Variants in PRIM2 observed in about 807,000 individuals in gnomAD.
PRIM2 encodes DNA primase large subunit.
A neutral mutation model predicts 67.3 loss-of-function variants in PRIM2; 39 were observed. The ratio of observed to expected loss-of-function variants is 0.58; its 90% CI spans 0.45 to 0.76. PRIM2 has a LOEUF of 0.76. PRIM2 is among the 30% of genes least tolerant of loss of function. The probability of loss-of-function intolerance (pLI) is 0.00; values close to 1 mark genes in which losing one functional copy is unlikely to be tolerated. For synonymous variants in PRIM2, 143 were observed against 198.7 expected (o/e 0.72, Z 2.36); for missense variants, 398 against 598.7 (o/e 0.66, Z 3.50).
the PRIM2 span, among the ~76,000 whole-genome samples, chr6:57,280,274 T>G: frequency 6.6e-6 from 1 of 152,232 alleles, no homozygotes; most frequent in Admixed American, 6.5e-5. Context: ...CACTGCCAAT[T>G]TTGGTATATT....
intron 10 of PRIM2, among the ~76,000 whole-genome samples, chr6:57,564,785 G>T (rs1775705503): frequency 6.6e-6 from 1 of 152,158 alleles, no homozygotes; most frequent in Admixed American, 6.5e-5. Context: ...TAGTAAAAAT[G>T]TAGAATTTAT....
intron 5 of PRIM2, among the ~76,000 whole-genome samples, chr6:57,373,630 A>G (rs991566037): frequency 6.6e-6 from 1 of 152,260 alleles, no homozygotes. Flanking sequence ...TGTATATGGT[A>G]TAAGGACAGG....
intron 13 of PRIM2, among the ~76,000 whole-genome samples, chr6:57,633,591 A>G (rs1237744150): frequency 1.3e-5 from 2 of 152,212 alleles, no homozygotes; most frequent in South Asian, 2.1e-4. Context: ...GCCAATATCT[A>G]TGGAACCCTT....
chr6:57,490,349 AG>A, intron 7 of PRIM2, among the ~76,000 whole-genome samples: 1 of 152,166 alleles, frequency 6.6e-6, no homozygotes, highest in Non-Finnish European at 1.5e-5. Context: ...GGACAGTACT[AG>A]GACTTGTGTT....
intron 7 of PRIM2, among the ~76,000 whole-genome samples, chr6:57,411,603 G>A (rs1421790792): frequency 3.2e-4 from 49 of 151,454 alleles, no homozygotes; most frequent in African/African-American, 1.2e-3. Context: ...TGACAATATT[G>A]TTTAAATTTT....
intron 5 of PRIM2, among the ~76,000 whole-genome samples, chr6:57,344,737 C>T (rs953743383): frequency 1.3e-5 from 2 of 152,086 alleles, no homozygotes; most frequent in African/African-American, 2.4e-5. Flanking sequence ...TAGTTGAGGC[C>T]TAACCATTTA....
intron 7 of PRIM2, among the ~76,000 whole-genome samples, chr6:57,469,206 T>A (rs1266445753): frequency 6.6e-6 from 1 of 152,202 alleles, no homozygotes; most frequent in African/African-American, 2.4e-5. Flanking sequence ...TGAGCCTGAG[T>A]TTCCCTCTGG....
At chr6:57,617,040 G>A (rs1359929517) in intron 12 of PRIM2, among the ~76,000 whole-genome samples, 1 of 152,152 alleles carries the variant, frequency 6.6e-6, no homozygotes, top group African/African-American at 2.4e-5. Flanking sequence ...CCACCAACTG[G>A]GTGACTTTAA....
At chr6:57,225,172 T>G in the PRIM2 span, among the ~76,000 whole-genome samples, 1 of 152,250 alleles carries the variant, frequency 6.6e-6, no homozygotes, top group African/African-American at 2.4e-5. Flanking sequence ...AACTGCTTTT[T>G]GGGGTTTTCA....
intron 10 of PRIM2, among the ~76,000 whole-genome samples, chr6:57,562,344 C>T (rs1287977260): frequency 3.3e-5 from 5 of 152,056 alleles, no homozygotes; most frequent in African/African-American, 7.3e-5. Flanking sequence ...GTAAAAAATG[C>T]GCTATCTATG....
intron 7 of PRIM2, among the ~76,000 whole-genome samples, chr6:57,423,175 A>G (rs1205967071): frequency 6.6e-6 from 1 of 152,096 alleles, no homozygotes; most frequent in Non-Finnish European, 1.5e-5. Flanking sequence ...CTTCATTAGT[A>G]TTATACCTTG....
intron 7 of PRIM2, among the ~76,000 whole-genome samples, chr6:57,454,436 T>C (rs1223132627): frequency 2.6e-5 from 4 of 152,180 alleles, no homozygotes; most frequent in African/African-American, 9.7e-5. Context: ...TTTTGCTTGG[T>C]AAGGTATTAA....
the PRIM2 span, among the ~76,000 whole-genome samples, chr6:57,240,501 C>T: frequency 6.6e-6 from 1 of 151,874 alleles, no homozygotes; most frequent in South Asian, 2.1e-4. Flanking sequence ...TGGGAAGCTA[C>T]GGGGGAAGAT....
At chr6:57,307,318 A>G in the PRIM2 span, among the ~76,000 whole-genome samples, 1 of 151,130 alleles carries the variant, frequency 6.6e-6, no homozygotes, top group African/African-American at 2.4e-5. Flanking sequence ...CAGTGGCACA[A>G]TCTCGGCTCA....
chr6:57,470,815 T>G (rs1432343241), intron 7 of PRIM2, among the ~76,000 whole-genome samples: 4 of 152,260 alleles, frequency 2.6e-5, no homozygotes, highest in Admixed American at 2.0e-4. Flanking sequence ...AATTCTAGAT[T>G]TGCATGAAAA....
chr6:57,277,063 G>C, the PRIM2 span, among the ~76,000 whole-genome samples: 1 of 152,174 alleles, frequency 6.6e-6, no homozygotes, highest in African/African-American at 2.4e-5. Flanking sequence ...CAGCAGGCCT[G>C]TGAGTTCCAG....
In PRIM2 at chr6:57,413,269, T is replaced by C. The variant is rs556427540; in HGVS notation, c.693+31101T>C. On this transcript the variant is annotated intron_variant, in intron 7 of 13. Transcript: ENST00000615550. ...AGAAACTTAGGGGAGAAGGAAAAAATGGAGGGGAATAAATTTGAATTGAAG... is the reference window on the plus strand; with the variant it reads ...AGAAACTTAGGGGAGAAGGAAAAAACGGAGGGGAATAAATTTGAATTGAAG... Among the ~76,000 whole-genome samples, 97 of 151,978 alleles carry C rather than the reference T, an allele frequency of 6.4e-4. 2 individuals carry two copies. The South Asian group carries it at 8.9e-3, about 14-fold the overall frequency.
chr6:57,497,322 A>G lies in PRIM2; in HGVS notation c.694-10065A>G, dbSNP rs1234944403. ...AGGGAGAAAAGTCAGTGATCCATGT[A>G]CATTTATCACTGCATATCTCTTAAT... On this transcript the variant is annotated intron_variant, in intron 7 of 13. Transcript: ENST00000615550. 3.9e-5 allele frequency: 6 copies of G among 152,280 alleles called. No homozygotes were observed. In the East Asian group the frequency reaches 1.2e-3, roughly 29 times the overall value. 9.4% of individuals were successfully genotyped at this position (152,280 alleles called of 1,614,324 possible). A position where few individuals can be genotyped will look rare whatever the true frequency, so the allele number is the denominator to read the frequency against.
chr6:57,311,136 G>A (rs541997989), upstream of PRIM2, among the ~76,000 whole-genome samples: 36 of 146,038 alleles, frequency 2.5e-4, 1 homozygote, highest in Middle Eastern at 8.5e-3. Context: ...CAGACGGGGC[G>A]GCCGTGCAGA....
Sources: gnomAD v4.1 joint callset for allele counts (sites outside exome capture counted in the v4.1 genomes callset) on GRCh38, gnomAD v4.1.1 for gene constraint, MANE v1.5 for transcripts, NCBI Gene and HGNC (gene_info 2026-07-23, HGNC 2026-07-21) for gene names.